Variants in ROBO2 observed in about 807,000 individuals in gnomAD.
ROBO2 encodes the protein roundabout homolog 2.
Under a neutral mutation model 160.8 loss-of-function variants are expected in ROBO2, and 53 were observed. That is an observed-to-expected ratio of 0.33 (90% CI 0.26 to 0.41). ROBO2 has a LOEUF of 0.41. ROBO2 is among the 10% of genes least tolerant of loss of function. ROBO2 has a pLI of 1.00. For missense variants in ROBO2, 1,577 were observed against 1,722.4 expected, an observed-to-expected ratio of 0.92 and a Z score of 1.49; for synonymous variants, 664 against 611.7, an observed-to-expected ratio of 1.09 and a Z score of -1.26.
chr3:76,674,844 G>A (rs948428383), intron 2 of ROBO2, among the ~76,000 whole-genome samples: 1 of 151,904 alleles, frequency 6.6e-6, no homozygotes, highest in Non-Finnish European at 1.5e-5. Flanking sequence ...GAGAAAGTCT[G>A]GCTATTTCTT....
intron 2 of ROBO2, among the ~76,000 whole-genome samples, chr3:75,992,297 C>T (rs1005447392): frequency 6.6e-6 from 1 of 152,124 alleles, no homozygotes; most frequent in African/African-American, 2.4e-5. Flanking sequence ...AGCTCAGGAT[C>T]CCTCTCCTGT....
chr3:76,214,352 A>G (rs145843524), intron 2 of ROBO2, among the ~76,000 whole-genome samples: 96 of 152,338 alleles, frequency 6.3e-4, no homozygotes, highest in African/African-American at 2.0e-3. Context: ...CATGAGCCAA[A>G]GCAGGACGAG....
At chr3:76,590,847 A>C (rs1461318332) in intron 2 of ROBO2, among the ~76,000 whole-genome samples, 2 of 152,136 alleles carry the variant, frequency 1.3e-5, no homozygotes, top group Non-Finnish European at 2.9e-5. Flanking sequence ...TAGCTTATTA[A>C]ATTATTACTA....
chr3:75,986,708 G>A (rs568295114), intron 2 of ROBO2, among the ~76,000 whole-genome samples: 11 of 151,486 alleles, frequency 7.3e-5, no homozygotes, highest in African/African-American at 2.4e-4. Context: ...GATTAATTTT[G>A]AGTCAATTTT....
At chr3:77,294,685 G>C (rs1386672075) in intron 2 of ROBO2, among the ~76,000 whole-genome samples, 2 of 149,242 alleles carry the variant, frequency 1.3e-5, no homozygotes, top group South Asian at 2.1e-4. Context: ...ATGGTTAAAC[G>C]GGTAAGCTGA....
At position 77,316,863 on chromosome 3, in the gene ROBO2, G is replaced by A; in HGVS notation, c.389-160551G>A. 4.2e-6 allele frequency: 5 copies of A among 1,189,528 alleles called. 1 individual carries two copies. Among genetic ancestry groups the A allele is most frequent in the Middle Eastern group, 2.8e-4 (1 of 3,616 alleles). 73.7% of individuals were successfully genotyped at this position (1,189,528 alleles called of 1,614,324 possible). A position where few individuals can be genotyped will look rare whatever the true frequency, so the allele number is the denominator to read the frequency against. ...TGATACCTGGCTGCAGGGTCTGAGT[G>A]TATCCTAAACCTATCAGGCTGGAGT... On this transcript the variant is annotated intron_variant, in intron 2 of 25. Transcript: ENST00000461745.
At chr3:77,020,521 T>A (rs1327811808) in intron 2 of ROBO2, among the ~76,000 whole-genome samples, 1 of 151,788 alleles carries the variant, frequency 6.6e-6, no homozygotes, top group Non-Finnish European at 1.5e-5. Context: ...TAGAAAAAAA[T>A]GTTCATGCCA....
chr3:76,427,015 A>C (rs559295953), intron 2 of ROBO2, among the ~76,000 whole-genome samples: 1 of 152,138 alleles, frequency 6.6e-6, no homozygotes, highest in Non-Finnish European at 1.5e-5. Flanking sequence ...ATGCACGTGA[A>C]TATGTTGTGC....
chr3:76,844,091 G>T (rs1318039637), intron 2 of ROBO2, among the ~76,000 whole-genome samples: 1 of 151,898 alleles, frequency 6.6e-6, no homozygotes, highest in Non-Finnish European at 1.5e-5. Flanking sequence ...GCTAAGGGAC[G>T]TTGGCATCTG....
intron 2 of ROBO2, among the ~76,000 whole-genome samples, chr3:77,248,738 C>G (rs1009156450): frequency 6.7e-6 from 1 of 149,972 alleles, no homozygotes; most frequent in Admixed American, 6.6e-5. Flanking sequence ...TTCCCGCCCA[C>G]GAAGGGGGCA....
intron 2 of ROBO2, among the ~76,000 whole-genome samples, chr3:76,357,511 A>T (rs2075246415): frequency 6.6e-6 from 1 of 151,998 alleles, no homozygotes. Flanking sequence ...AGTGATACAA[A>T]TCTCAACAAT....
chr3:77,366,932 C>T (rs2070991535), intron 2 of ROBO2, among the ~76,000 whole-genome samples: 1 of 147,264 alleles, frequency 6.8e-6, no homozygotes, highest in Admixed American at 6.8e-5. Flanking sequence ...TTAATCTGTG[C>T]ATGAAGGGAC....
intron 2 of ROBO2, among the ~76,000 whole-genome samples, chr3:76,346,249 A>ATT (rs74266989): frequency 1.5e-3 from 221 of 143,422 alleles, no homozygotes; most frequent in African/African-American, 5.0e-3. Context: ...CATTAAGAGA[A>ATT]TTTTTTTTTT....
chr3:75,973,467 A>G (rs1304908511), intron 2 of ROBO2, among the ~76,000 whole-genome samples: 2 of 151,638 alleles, frequency 1.3e-5, no homozygotes, highest in Non-Finnish European at 3.0e-5. Context: ...CTAAAGAACC[A>G]GGAACTGAAA....
intron 2 of ROBO2, among the ~76,000 whole-genome samples, chr3:76,151,005 C>T (rs924392800): frequency 3.9e-5 from 6 of 152,052 alleles, no homozygotes; most frequent in African/African-American, 1.2e-4. Context: ...CTCCAAGGTC[C>T]CCGACCCTAC....
chr3:76,282,040 G>A (rs532078987), intron 2 of ROBO2, among the ~76,000 whole-genome samples: 2 of 152,128 alleles, frequency 1.3e-5, no homozygotes, highest in Admixed American at 6.6e-5. Context: ...CATAGACATA[G>A]CCTGACATCT....
intron 2 of ROBO2, among the ~76,000 whole-genome samples, chr3:76,105,440 T>A (rs1416717906): frequency 6.6e-6 from 1 of 152,198 alleles, no homozygotes; most frequent in African/African-American, 2.4e-5. Flanking sequence ...TGTAGCATAT[T>A]ATTCTCAAGC....
chr3:76,050,669 GGCTGTGTCCTT>G (rs1308121318), intron 2 of ROBO2, among the ~76,000 whole-genome samples: 3 of 152,078 alleles, frequency 2.0e-5, no homozygotes, highest in Non-Finnish European at 4.4e-5. Flanking sequence ...GTTCTGCAAC[GGCTGTGTCCTT>G]GCTGTGCTCT....
chr3:76,431,715 A>G (rs1348153802), intron 2 of ROBO2, among the ~76,000 whole-genome samples: 1 of 152,120 alleles, frequency 6.6e-6, no homozygotes, highest in Non-Finnish European at 1.5e-5. Flanking sequence ...AATGACAAAT[A>G]AAAAAATAAA....
Sources: gnomAD v4.1 joint callset for allele counts (sites outside exome capture counted in the v4.1 genomes callset) on GRCh38, gnomAD v4.1.1 for gene constraint, MANE v1.5 for transcripts, NCBI Gene and HGNC (gene_info 2026-07-23, HGNC 2026-07-21) for gene names.